AUTS2: variants seen among roughly 807,000 people sequenced by gnomAD.
AUTS2 encodes the protein activator of transcription and developmental regulator AUTS2, also known as autism susceptibility gene 2 protein.
AUTS2 carries 17 observed loss-of-function variants against 112.4 expected under a neutral mutation model. The observed-to-expected ratio is 0.15, with a 90% CI of 0.10 to 0.23. The LOEUF (loss-of-function observed/expected upper bound fraction) is 0.23, where lower values mean the gene tolerates loss of function less well. AUTS2 is among the 10% of genes least tolerant of loss of function. The pLI, the probability that AUTS2 is intolerant of heterozygous loss-of-function variation, is 1.00. For missense variants in AUTS2, 1,510 were observed against 1,701.6 expected (o/e 0.89, Z 1.98); for synonymous variants, 751 against 702.7 (o/e 1.07, Z -1.09).
At chr7:70,659,332 C>T (rs906739133) in intron 5 of AUTS2, among the ~76,000 whole-genome samples, 7 of 152,186 alleles carry the variant, frequency 4.6e-5, no homozygotes, top group Non-Finnish European at 8.8e-5. Context: ...AAATGACACC[C>T]GTATTCTGAT....
At chr7:70,730,813 T>G (rs1290456225) in intron 6 of AUTS2, among the ~76,000 whole-genome samples, 1 of 152,224 alleles carries the variant, frequency 6.6e-6, no homozygotes, top group African/African-American at 2.4e-5. Flanking sequence ...GGTTAGCCTT[T>G]TGAGGAACTG....
chr7:69,654,437 G>A (rs1795429705), intron 1 of AUTS2, among the ~76,000 whole-genome samples: 1 of 152,152 alleles, frequency 6.6e-6, no homozygotes, highest in Non-Finnish European at 1.5e-5. Context: ...TACTTAACAT[G>A]TGCCCAGCAC....
rs78931619 is a variant in AUTS2 at position 70,523,195 on chromosome 7, C to T, written c.690+87414C>T. 4.9e-3 allele frequency among the ~76,000 whole-genome samples: 753 copies of T among 152,264 alleles called. 3 individuals are homozygous for T. Among genetic ancestry groups the T allele is most frequent in the Middle Eastern group, 0.017 (5 of 294 alleles). On this transcript the variant is annotated intron_variant, in intron 5 of 18. Transcript: ENST00000342771. Reference sequence around the variant, plus strand: ...GCATTAAAATACAATCCGGTGACAGCAGTTCTGTGTGGGGCTAAGGTAATA... The same window carrying T: ...GCATTAAAATACAATCCGGTGACAGTAGTTCTGTGTGGGGCTAAGGTAATA...
At chr7:70,528,093 ATTTTTTT>A (rs10651355) in intron 5 of AUTS2, among the ~76,000 whole-genome samples, 2 of 97,278 alleles carry the variant, frequency 2.1e-5, no homozygotes, top group Non-Finnish European at 4.0e-5. Flanking sequence ...AAATTTAAGG[ATTTTTTT>A]TTTTTTTTTT....
At chr7:70,426,584 G>A (rs912607586) in intron 4 of AUTS2, among the ~76,000 whole-genome samples, 51 of 152,338 alleles carry the variant, frequency 3.3e-4, no homozygotes, top group Non-Finnish European at 6.9e-4. Flanking sequence ...GAGATGAGAA[G>A]TGAAAGAGAG....
intron 3 of AUTS2, among the ~76,000 whole-genome samples, chr7:70,131,435 A>C (rs1000909587): frequency 1.3e-5 from 2 of 152,184 alleles, no homozygotes; most frequent in African/African-American, 4.8e-5. Context: ...GAAATTGTTC[A>C]ATAGTTAGGG....
At chr7:69,612,378 A>G (rs1204801909) in intron 1 of AUTS2, among the ~76,000 whole-genome samples, 1 of 152,058 alleles carries the variant, frequency 6.6e-6, no homozygotes. Context: ...ATGCTTTGTA[A>G]TGGCTTTCTG....
intron 5 of AUTS2, among the ~76,000 whole-genome samples, chr7:70,560,273 T>G (rs753126472): frequency 6.6e-6 from 1 of 152,214 alleles, no homozygotes; most frequent in African/African-American, 2.4e-5. Context: ...TTCACAGCAC[T>G]GAGCCAACAT....
intron 5 of AUTS2, among the ~76,000 whole-genome samples, chr7:70,492,119 C>T (rs1307016711): frequency 6.6e-6 from 1 of 152,130 alleles, no homozygotes; most frequent in Admixed American, 6.5e-5. Flanking sequence ...TGCCTCACTG[C>T]CTGCAGGCAG....
chr7:69,749,781 A>G (rs1787658719), intron 1 of AUTS2, among the ~76,000 whole-genome samples: 1 of 152,238 alleles, frequency 6.6e-6, no homozygotes, highest in South Asian at 2.1e-4. Context: ...AGTGAAATAC[A>G]CAAAAATAAA....
At chr7:69,891,564 A>G (rs998093561) in intron 1 of AUTS2, among the ~76,000 whole-genome samples, 2 of 151,998 alleles carry the variant, frequency 1.3e-5, no homozygotes, top group African/African-American at 4.8e-5. Context: ...ACTTTCTTCC[A>G]AAGTGGTTGT....
chr7:70,277,883 A>G (rs1490404874), intron 4 of AUTS2, among the ~76,000 whole-genome samples: 1 of 151,638 alleles, frequency 6.6e-6, no homozygotes, highest in Non-Finnish European at 1.5e-5. Context: ...AGAATATGTT[A>G]CCCATTTTAG....
chr7:70,254,418 A>G (rs1164906165), intron 4 of AUTS2, among the ~76,000 whole-genome samples: 3 of 116,100 alleles, frequency 2.6e-5, no homozygotes, highest in Non-Finnish European at 5.5e-5. Context: ...TTCTACAAAT[A>G]CCTACAAAGA....
At chr7:70,010,291 G>A (rs886196123) in intron 2 of AUTS2, among the ~76,000 whole-genome samples, 1 of 152,020 alleles carries the variant, frequency 6.6e-6, no homozygotes, top group Non-Finnish European at 1.5e-5. Flanking sequence ...TACTACAGTC[G>A]TGTGCCACCA....
At chr7:70,142,420 T>G (rs564387190) in intron 4 of AUTS2, among the ~76,000 whole-genome samples, 2 of 152,340 alleles carry the variant, frequency 1.3e-5, no homozygotes, top group South Asian at 4.1e-4. Flanking sequence ...CTGCCTTTCT[T>G]TGCTGTCCTT....
At chr7:70,552,827 A>G (rs1585292424) in intron 5 of AUTS2, among the ~76,000 whole-genome samples, 1 of 152,138 alleles carries the variant, frequency 6.6e-6, no homozygotes, top group East Asian at 1.9e-4. Flanking sequence ...TTTCAGCCAT[A>G]TTGTCAAAGC....
chr7:70,170,727 C>T (rs1348277131), intron 4 of AUTS2, among the ~76,000 whole-genome samples: 1 of 151,864 alleles, frequency 6.6e-6, no homozygotes, highest in African/African-American at 2.4e-5. Context: ...CCTACCTCAC[C>T]TTGCCGAGTA....
intron 2 of AUTS2, among the ~76,000 whole-genome samples, chr7:69,933,832 TAA>T (rs1311666951): frequency 6.6e-6 from 1 of 152,162 alleles, no homozygotes; most frequent in East Asian, 1.9e-4. Context: ...TTGACTAGTA[TAA>T]GTGTCATTTT....
intron 2 of AUTS2, among the ~76,000 whole-genome samples, chr7:69,912,961 T>C (rs1264865276): frequency 1.3e-5 from 2 of 152,216 alleles, no homozygotes; most frequent in East Asian, 1.9e-4. Flanking sequence ...TCAGTGACCA[T>C]CCACAGCCAT....
Sources: allele counts gnomAD v4.1 joint callset (sites outside exome capture counted in the v4.1 genomes callset), GRCh38; gene constraint gnomAD v4.1.1; transcripts MANE v1.5; gene names NCBI Gene and HGNC (gene_info 2026-07-23, HGNC 2026-07-21).